Variants in BABAM2 observed in about 807,000 individuals in gnomAD.
BABAM2 encodes BRISC and BRCA1-A complex member 2.
BABAM2 carries 31 observed loss-of-function variants against 54.7 expected under a neutral mutation model. That is an observed-to-expected ratio of 0.57 (90% CI 0.43 to 0.77). The LOEUF (loss-of-function observed/expected upper bound fraction) is 0.77. BABAM2 is among the 30% of genes least tolerant of loss of function. BABAM2 has a pLI of 0.00. For synonymous variants in BABAM2, 167 were observed against 162.9 expected (o/e 1.03, Z -0.19); for missense variants, 364 against 455.8 (o/e 0.80, Z 1.83).
intron 7 of BABAM2, among the ~76,000 whole-genome samples, chr2:28,192,066 A>G (rs1573800569): frequency 6.6e-6 from 1 of 151,890 alleles, no homozygotes; most frequent in Non-Finnish European, 1.5e-5. Flanking sequence ...ACAGAGTCTC[A>G]CTCTGTCACC....
chr2:28,177,625 T>G (rs1675148877), intron 7 of BABAM2, among the ~76,000 whole-genome samples: 2 of 151,382 alleles, frequency 1.3e-5, no homozygotes, highest in South Asian at 4.2e-4. Flanking sequence ...ATGACAAGAA[T>G]AAGTCCCCTC....
Position 28,040,363 on chromosome 2 carries a change from G to C in BABAM2, c.496-5362G>C, listed in dbSNP as rs571976879. 2.1e-3 allele frequency among the ~76,000 whole-genome samples: 282 copies of C among 136,444 alleles called. 1 individual carries two copies. Among genetic ancestry groups the C allele is most frequent in the African/African-American group, 7.3e-3 (265 of 36,342 alleles). 89.5% of individuals were successfully genotyped at this position (136,444 alleles called of 152,430 possible). On this transcript the variant is annotated intron_variant, in intron 5 of 11. Transcript: ENST00000379624. Reference sequence around the variant, plus strand: ...TCGCCCAGGCTGGAGTGCAGTGGCGGGATCTCGGCTCACTGCAAGCTCCGC... The same window carrying C: ...TCGCCCAGGCTGGAGTGCAGTGGCGCGATCTCGGCTCACTGCAAGCTCCGC...
intron 3 of BABAM2, among the ~76,000 whole-genome samples, chr2:27,970,109 T>C (rs1671099714): frequency 6.6e-6 from 1 of 152,208 alleles, no homozygotes; most frequent in Admixed American, 6.5e-5. Context: ...ATATGCTATA[T>C]TTTTTCACTT....
chr2:27,932,318 G>A (rs1237095459), intron 3 of BABAM2, among the ~76,000 whole-genome samples: 1 of 151,846 alleles, frequency 6.6e-6, no homozygotes, highest in African/African-American at 2.4e-5. Context: ...ATGAATATAG[G>A]TCCTTTAAAT....
chr2:27,925,727 C>T (rs1158297816), intron 2 of BABAM2, among the ~76,000 whole-genome samples: 1 of 152,178 alleles, frequency 6.6e-6, no homozygotes, highest in African/African-American at 2.4e-5. Context: ...CACTCCTCTC[C>T]ATGACTGAAG....
At chr2:27,901,520 A>T (rs912203511) in intron 2 of BABAM2, among the ~76,000 whole-genome samples, 1 of 152,216 alleles carries the variant, frequency 6.6e-6, no homozygotes, top group African/African-American at 2.4e-5. Flanking sequence ...TTAGTTAAAA[A>T]TAGATACTCA....
intron 2 of BABAM2, among the ~76,000 whole-genome samples, chr2:27,915,230 A>G (rs367979789): frequency 6.6e-6 from 1 of 152,158 alleles, no homozygotes; most frequent in East Asian, 1.9e-4. Flanking sequence ...TTATTGCCCC[A>G]GTGAAGTAAA....
intron 7 of BABAM2, among the ~76,000 whole-genome samples, chr2:28,193,983 C>T (rs1289272481): frequency 3.3e-5 from 5 of 152,044 alleles, no homozygotes; most frequent in South Asian, 2.1e-4. Flanking sequence ...ATGAGGGGCT[C>T]GAGAGCACCT....
chr2:28,282,425 T>C (rs554771458), intron 10 of BABAM2, among the ~76,000 whole-genome samples: 2 of 152,146 alleles, frequency 1.3e-5, no homozygotes, highest in East Asian at 3.9e-4. Flanking sequence ...CTGGCTGAAA[T>C]GGTAGATCAG....
chr2:27,982,149 A>G (rs1283723527), intron 3 of BABAM2, among the ~76,000 whole-genome samples: 1 of 152,092 alleles, frequency 6.6e-6, no homozygotes, highest in Non-Finnish European at 1.5e-5. Flanking sequence ...TGACATTTGT[A>G]TATCTTCTTG....
At chr2:28,140,613 GAATTCAA>G (rs1255277208) in intron 7 of BABAM2, among the ~76,000 whole-genome samples, 5 of 151,988 alleles carry the variant, frequency 3.3e-5, no homozygotes, top group African/African-American at 1.2e-4. Context: ...ATTAATAAAT[GAATTCAA>G]AATGCCTTTT....
intron 6 of BABAM2, among the ~76,000 whole-genome samples, chr2:28,123,075 A>G (rs1180887530): frequency 1.8e-4 from 27 of 152,222 alleles, no homozygotes. Flanking sequence ...AAGCTAGTTC[A>G]GTGGCTTATT....
intron 10 of BABAM2, among the ~76,000 whole-genome samples, chr2:28,269,080 G>A (rs907382920): frequency 1.3e-5 from 2 of 152,142 alleles, no homozygotes; most frequent in African/African-American, 2.4e-5. Flanking sequence ...CAGTTATCAC[G>A]AGAAGTACAT....
At chr2:28,088,398 A>G (rs1461353796) in intron 6 of BABAM2, among the ~76,000 whole-genome samples, 1 of 151,998 alleles carries the variant, frequency 6.6e-6, no homozygotes, top group African/African-American at 2.4e-5. Context: ...GTTCTTTACA[A>G]CTCCAGTGAT....
At chr2:28,297,328 C>T (rs542439714) in intron 10 of BABAM2, among the ~76,000 whole-genome samples, 11 of 152,278 alleles carry the variant, frequency 7.2e-5, no homozygotes, top group Non-Finnish European at 1.0e-4. Context: ...AATCAGATAA[C>T]GTGTATAAAG....
chr2:27,940,375 T>A (rs1186068718), intron 3 of BABAM2, among the ~76,000 whole-genome samples: 1 of 152,164 alleles, frequency 6.6e-6, no homozygotes, highest in Non-Finnish European at 1.5e-5. Flanking sequence ...GGGCAAAGAG[T>A]GAGCCTGTTT....
intron 7 of BABAM2, among the ~76,000 whole-genome samples, chr2:28,165,992 A>G (rs1673633294): frequency 6.6e-6 from 1 of 152,190 alleles, no homozygotes; most frequent in Non-Finnish European, 1.5e-5. Context: ...AGGTCATCAG[A>G]ATGGGCCCTA....
chr2:28,014,136 C>T (rs1674622938), intron 4 of BABAM2, among the ~76,000 whole-genome samples: 1 of 152,118 alleles, frequency 6.6e-6, no homozygotes, highest in African/African-American at 2.4e-5. Flanking sequence ...CTTAGCAGGG[C>T]TTCTGGTATT....
At position 28,211,823 on chromosome 2, in the gene BABAM2, A is replaced by G. The variant is rs574028604; in HGVS notation, c.681-25379A>G. ...TTAAAAAAATATAGAAAAATTTTGT[A>G]TCACAATACTGATATTATATATAAC... On this transcript the variant is annotated intron_variant, in intron 7 of 11. Transcript: ENST00000379624. 2.7e-3 allele frequency among the ~76,000 whole-genome samples: 411 copies of G among 152,370 alleles called. 1 individual carries two copies. Among genetic ancestry groups the G allele is most frequent in the African/African-American group, 9.3e-3 (387 of 41,588 alleles).
Sources: gnomAD v4.1 joint callset for allele counts (sites outside exome capture counted in the v4.1 genomes callset) on GRCh38, gnomAD v4.1.1 for gene constraint, MANE v1.5 for transcripts, NCBI Gene and HGNC (gene_info 2026-07-23, HGNC 2026-07-21) for gene names.